The following GPM6A variants were observed in gnomAD, a reference collection of about 807,000 sequenced individuals.
The protein encoded by GPM6A is glycoprotein M6A, also known as neuronal membrane glycoprotein M6-a.
GPM6A carries 7 observed loss-of-function variants against 32.1 expected under a neutral mutation model. The ratio of observed to expected loss-of-function variants is 0.22; its 90% CI spans 0.12 to 0.41. The LOEUF (loss-of-function observed/expected upper bound fraction) is 0.41, where lower values mean the gene tolerates loss of function less well. Ranked by LOEUF, GPM6A falls within the 10% of genes least tolerant of loss-of-function variation. The pLI, the probability that GPM6A is intolerant of heterozygous loss-of-function variation, is 1.00. For synonymous variants in GPM6A, 130 were observed against 123.4 expected (o/e 1.05, Z -0.35); for missense variants, 235 against 347.2 (o/e 0.68, Z 2.57).
At chr4:175,693,255 A>AAT (rs148960688) in intron 2 of GPM6A, among the ~76,000 whole-genome samples, 31 of 149,224 alleles carry the variant, frequency 2.1e-4, no homozygotes, top group South Asian at 4.2e-4. Flanking sequence ...GATTAGCCTA[A>AAT]ATATATATAT....
At chr4:175,692,785 A>C (rs2111040769) in intron 2 of GPM6A, among the ~76,000 whole-genome samples, 1 of 152,256 alleles carries the variant, frequency 6.6e-6, no homozygotes, top group South Asian at 2.1e-4. Flanking sequence ...TAGCTTTTAC[A>C]AATTAGCTTA....
At chr4:175,714,260 G>GAATTACTCTAAGTGCTGGGATCA (rs1745713273) in intron 1 of GPM6A, among the ~76,000 whole-genome samples, 1 of 152,038 alleles carries the variant, frequency 6.6e-6, no homozygotes, top group Non-Finnish European at 1.5e-5. Flanking sequence ...CAAAGATAAG[G>GAATTACTCTAAGTGCTGGGATCA]AATTACTCTA....
In GPM6A at chr4:175,634,843, G is replaced by A; in HGVS notation, c.*62C>T. On this transcript the variant is annotated 3_prime_UTR_variant, in exon 7 of 7. Transcript: ENST00000393658. The stretch of plus-strand genomic sequence containing the variant: ...CGTTTTGTTTTTTAAAGGTTGGATG[G>A]TTGGATGGCCCTTAGTTAAACACCA... 7.0e-7 allele frequency: 1 copy of A among 1,419,648 alleles called. No homozygotes were observed. The highest frequency in any genetic ancestry group is 1.2e-5 in the South Asian group (1 of 84,686). The allele number at this position is 1,419,648 out of a possible 1,614,324, so 87.9% of individuals were successfully genotyped here. A position where few individuals can be genotyped will look rare whatever the true frequency, so the allele number is the denominator to read the frequency against.
At chr4:175,707,058 C>G (rs899769446) in intron 1 of GPM6A, among the ~76,000 whole-genome samples, 6 of 152,190 alleles carry the variant, frequency 3.9e-5, no homozygotes, top group Non-Finnish European at 5.9e-5. Flanking sequence ...ATTGCTCCCC[C>G]CTTTCCCCAA....
At chr4:175,851,154 T>G (rs553378847) in intron 1 of GPM6A, among the ~76,000 whole-genome samples, 1 of 151,848 alleles carries the variant, frequency 6.6e-6, no homozygotes, top group East Asian at 1.9e-4. Flanking sequence ...GTCAGGAGTT[T>G]GAGACCAGCC....
At chr4:175,912,419 T>C (rs1447840889) in intron 1 of GPM6A, among the ~76,000 whole-genome samples, 2 of 151,698 alleles carry the variant, frequency 1.3e-5, no homozygotes, top group Non-Finnish European at 2.9e-5. Flanking sequence ...CTTTGGGAGG[T>C]TGAGGCAGGT....
chr4:175,948,042 G>T (rs1221945639), intron 1 of GPM6A, among the ~76,000 whole-genome samples: 1 of 150,582 alleles, frequency 6.6e-6, no homozygotes, highest in African/African-American at 2.5e-5. Flanking sequence ...AATAGCAATA[G>T]CAATGTGTTT....
At chr4:175,873,459 A>C (rs1015179371) in intron 1 of GPM6A, among the ~76,000 whole-genome samples, 4 of 152,142 alleles carry the variant, frequency 2.6e-5, no homozygotes, top group Admixed American at 2.6e-4. Flanking sequence ...TTTATTTGCT[A>C]TTCAGCTATG....
intron 1 of GPM6A, among the ~76,000 whole-genome samples, chr4:175,741,963 GAA>G (rs1323046251): frequency 6.6e-6 from 1 of 151,750 alleles, no homozygotes; most frequent in Admixed American, 6.6e-5. Flanking sequence ...GGAAGGAAGA[GAA>G]AAAATGAGAG....
At chr4:175,876,372 A>T (rs1483381409) in intron 1 of GPM6A, among the ~76,000 whole-genome samples, 2 of 152,230 alleles carry the variant, frequency 1.3e-5, no homozygotes, top group Non-Finnish European at 2.9e-5. Flanking sequence ...TAAATGCATT[A>T]GATTTAAAGT....
chr4:175,871,333 G>T (rs1375880518), intron 1 of GPM6A, among the ~76,000 whole-genome samples: 2 of 151,992 alleles, frequency 1.3e-5, no homozygotes, highest in African/African-American at 4.8e-5. Context: ...AGCCGGATGT[G>T]GTAGTGGATG....
intron 1 of GPM6A, among the ~76,000 whole-genome samples, chr4:175,818,091 A>C (rs1472955649): frequency 6.6e-6 from 1 of 152,186 alleles, no homozygotes; most frequent in Non-Finnish European, 1.5e-5. Flanking sequence ...TGAGTATGTC[A>C]TAGGCCTGTT....
intron 1 of GPM6A, among the ~76,000 whole-genome samples, chr4:175,893,776 G>GT (rs1737715119): frequency 6.6e-6 from 1 of 152,114 alleles, no homozygotes; most frequent in African/African-American, 2.4e-5. Flanking sequence ...AAAAACAGAA[G>GT]TTCACTGAAG....
chr4:175,816,715 T>C (rs1368687812), upstream of GPM6A, among the ~76,000 whole-genome samples: 1 of 152,206 alleles, frequency 6.6e-6, no homozygotes, highest in African/African-American at 2.4e-5. Context: ...GTCAAATGTT[T>C]CAGACACAGA....
At chr4:175,860,431 A>C (rs1348902498) in intron 1 of GPM6A, among the ~76,000 whole-genome samples, 1 of 152,208 alleles carries the variant, frequency 6.6e-6, no homozygotes, top group Non-Finnish European at 1.5e-5. Flanking sequence ...CTATGCCCTC[A>C]AAGTTGATAA....
At chr4:175,859,631 TA>T (rs1736515196) in intron 1 of GPM6A, among the ~76,000 whole-genome samples, 1 of 152,066 alleles carries the variant, frequency 6.6e-6, no homozygotes, top group African/African-American at 2.4e-5. Flanking sequence ...CCCAGAGAAA[TA>T]ATATCTAGAC....
chr4:175,696,044 A>G (rs1213273947), intron 2 of GPM6A, among the ~76,000 whole-genome samples: 3 of 152,154 alleles, frequency 2.0e-5, no homozygotes, highest in African/African-American at 7.2e-5. Context: ...GCAGCATGAA[A>G]GTAGGTATTA....
chr4:175,869,861 T>C (rs1736852485), intron 1 of GPM6A, among the ~76,000 whole-genome samples: 1 of 152,236 alleles, frequency 6.6e-6, no homozygotes, highest in East Asian at 1.9e-4. Flanking sequence ...CTTTTACTTT[T>C]AATCTTCCTA....
At chr4:175,643,527 C>A (rs1741276894) in intron 4 of GPM6A, among the ~76,000 whole-genome samples, 1 of 152,120 alleles carries the variant, frequency 6.6e-6, no homozygotes, top group Non-Finnish European at 1.5e-5. Flanking sequence ...TGAGCTACTC[C>A]TGTCCTTCAA....
Sources: gnomAD v4.1 joint callset for allele counts (sites outside exome capture counted in the v4.1 genomes callset) on GRCh38, gnomAD v4.1.1 for gene constraint, MANE v1.5 for transcripts, NCBI Gene and HGNC (gene_info 2026-07-23, HGNC 2026-07-21) for gene names.